The following FYN variants were observed in gnomAD, a reference collection of about 807,000 sequenced individuals.
FYN encodes the protein FYN proto-oncogene, Src family tyrosine kinase, also known as tyrosine-protein kinase Fyn.
FYN carries 10 observed loss-of-function variants against 70.2 expected under a neutral mutation model. The ratio of observed to expected loss-of-function variants is 0.14; its 90% CI spans 0.09 to 0.24. The LOEUF is 0.24. Among genes scored for constraint, FYN ranks in the 10% least tolerant of loss-of-function variants. FYN has a pLI of 1.00. For missense variants in FYN, 319 were observed against 673.1 expected, an observed-to-expected ratio of 0.47 and a Z score of 5.82; for synonymous variants, 236 against 248.6, an observed-to-expected ratio of 0.95 and a Z score of 0.48.
chr6:111,848,317 G>A (rs1158167477), intron 1 of FYN, among the ~76,000 whole-genome samples: 1 of 152,190 alleles, frequency 6.6e-6, no homozygotes, highest in African/African-American at 2.4e-5. Context: ...AAGTAGGGAA[G>A]AAACTTTAAT....
At chr6:111,682,778 T>C (rs1562467960) in intron 12 of FYN, among the ~76,000 whole-genome samples, 1 of 152,232 alleles carries the variant, frequency 6.6e-6, no homozygotes. Flanking sequence ...AAAACATCCC[T>C]AAGTCTCAGT....
At chr6:111,871,980 A>G (rs1191942445) in intron 1 of FYN, among the ~76,000 whole-genome samples, 3 of 152,214 alleles carry the variant, frequency 2.0e-5, no homozygotes, top group Admixed American at 2.0e-4. Flanking sequence ...AAGAAAGGGA[A>G]GCCCCAGGGA....
At chr6:111,844,867 T>C (rs1275213016) in intron 2 of FYN, 2 of 152,260 alleles carry the variant, frequency 1.3e-5, no homozygotes, top group Non-Finnish European at 2.9e-5. Flanking sequence ...AAAATGTATT[T>C]GGTTTGTGTT....
At chr6:111,792,728 T>C (rs558954565) in intron 2 of FYN, among the ~76,000 whole-genome samples, 12 of 152,354 alleles carry the variant, frequency 7.9e-5, no homozygotes, top group African/African-American at 2.6e-4. Flanking sequence ...ACATCCAGGC[T>C]GTCCCCTAGT....
intron 2 of FYN, among the ~76,000 whole-genome samples, chr6:111,843,478 G>A (rs1479376320): frequency 6.6e-6 from 1 of 152,118 alleles, no homozygotes; most frequent in Non-Finnish European, 1.5e-5. Context: ...AAGATTCTGT[G>A]GAAAAGAAAA....
chr6:111,760,672 C>G (rs987199731), intron 3 of FYN, among the ~76,000 whole-genome samples: 2 of 152,198 alleles, frequency 1.3e-5, no homozygotes, highest in African/African-American at 4.8e-5. Context: ...GGGAGTTGCA[C>G]GGAGCCCAGG....
rs79352933 is a variant in FYN at position 111,673,002 on chromosome 6, G to A, written c.1405+1497C>T. Among the ~76,000 whole-genome samples the A allele has an allele frequency of 2.7e-3, 417 of 152,272 alleles. 14 individuals are homozygous for A. In the East Asian group the frequency reaches 0.075, roughly 27 times the overall value. On this transcript the variant is annotated intron_variant, in intron 13 of 13. Coordinates refer to ENST00000354650, the MANE Select transcript of FYN (RefSeq NM_002037.5). ...GCTGCTTTGTATTACTGGAAGGGAA[G>A]GCTTCACAGAAACGCAAAACAACAT...
chr6:111,682,497 C>T (rs1222314123), intron 12 of FYN, among the ~76,000 whole-genome samples: 1 of 152,226 alleles, frequency 6.6e-6, no homozygotes, highest in Non-Finnish European at 1.5e-5. Flanking sequence ...TATGTGTTTT[C>T]ATACATTAAG....
intron 1 of FYN, among the ~76,000 whole-genome samples, chr6:111,868,837 ATAT>A (rs1197531042): frequency 9.0e-6 from 1 of 111,530 alleles, no homozygotes; most frequent in Non-Finnish European, 1.6e-5. Flanking sequence ...AAACCACTTC[ATAT>A]TATTATTGTT....
chr6:111,832,944 G>C (rs1773067047), intron 2 of FYN, among the ~76,000 whole-genome samples: 1 of 152,168 alleles, frequency 6.6e-6, no homozygotes, highest in South Asian at 2.1e-4. Flanking sequence ...CTGCACTTCT[G>C]AGACTCCAGA....
chr6:111,845,357 A>T (rs1773496072), intron 2 of FYN, among the ~76,000 whole-genome samples: 1 of 152,236 alleles, frequency 6.6e-6, no homozygotes, highest in South Asian at 2.1e-4. Flanking sequence ...ACCTGAGTGC[A>T]TGCGGATTCT....
chr6:111,831,622 ATATGTGACATGCT>A (rs137966115), intron 2 of FYN, among the ~76,000 whole-genome samples: 1,656 of 152,292 alleles, frequency 0.011, 26 homozygotes, highest in African/African-American at 0.039. Flanking sequence ...ATGACTATAA[ATATGTGACATGCT>A]TATGTTACTA....
intron 2 of FYN, among the ~76,000 whole-genome samples, chr6:111,788,075 C>A (rs931065104): frequency 1.3e-5 from 2 of 152,196 alleles, no homozygotes; most frequent in Admixed American, 6.5e-5. Context: ...TCTCCACCTG[C>A]AAGAATACAG....
chr6:111,870,595 A>C (rs559948029), intron 1 of FYN, among the ~76,000 whole-genome samples: 1 of 152,350 alleles, frequency 6.6e-6, no homozygotes, highest in East Asian at 1.9e-4. Context: ...CCTTTTATCA[A>C]TGTGCTGACC....
intron 3 of FYN, among the ~76,000 whole-genome samples, chr6:111,769,883 C>G (rs1316530404): frequency 6.6e-6 from 1 of 152,128 alleles, no homozygotes; most frequent in African/African-American, 2.4e-5. Context: ...GCTGCCAGGG[C>G]TGGTAGAAAA....
intron 3 of FYN, among the ~76,000 whole-genome samples, chr6:111,778,016 G>GA (rs1771018695): frequency 6.6e-6 from 1 of 152,188 alleles, no homozygotes; most frequent in Admixed American, 6.5e-5. Flanking sequence ...ACTTCATACT[G>GA]ATTGTGAAGG....
At chr6:111,784,185 AC>A (rs1043536714) in intron 2 of FYN, among the ~76,000 whole-genome samples, 1 of 152,118 alleles carries the variant, frequency 6.6e-6, no homozygotes, top group African/African-American at 2.4e-5. Context: ...GACAGAACAA[AC>A]ACAGGGAAGC....
chr6:111,837,979 C>T (rs975178993), intron 2 of FYN, among the ~76,000 whole-genome samples: 1 of 152,196 alleles, frequency 6.6e-6, no homozygotes, highest in African/African-American at 2.4e-5. Context: ...TCAGTAGTGA[C>T]ACATTTCACA....
rs6941800 is a variant in FYN at position 111,870,977 on chromosome 6, C to T, written c.-123+1991G>A. On this transcript the variant is annotated intron_variant, in intron 1 of 13. Coordinates refer to ENST00000354650, the MANE Select transcript of FYN (RefSeq NM_002037.5). ...GCTTTTTTTATCGTAAAAAGTTCCA[C>T]GATGAATGTTCTTAAAAAGTGTGTA... Among the ~76,000 whole-genome samples the T allele has an allele frequency of 7.8e-4, 119 of 152,226 alleles. 1 individual carries two copies. Among genetic ancestry groups the T allele is most frequent in the African/African-American group, 2.7e-3 (112 of 41,528 alleles).
Sources: allele counts gnomAD v4.1 joint callset (sites outside exome capture counted in the v4.1 genomes callset), GRCh38; gene constraint gnomAD v4.1.1; transcripts MANE v1.5; gene names NCBI Gene and HGNC (gene_info 2026-07-23, HGNC 2026-07-21).